Variants in CACNB2 observed in about 807,000 individuals in gnomAD.
CACNB2 encodes the protein calcium voltage-gated channel auxiliary subunit beta 2.
A neutral mutation model predicts 73.3 loss-of-function variants in CACNB2; 42 were observed. The ratio of observed to expected loss-of-function variants is 0.57; its 90% confidence interval spans 0.45 to 0.74. The LOEUF (loss-of-function observed/expected upper bound fraction) is 0.74, where lower values mean the gene tolerates loss of function less well. CACNB2 is among the 30% of genes least tolerant of loss of function. The pLI is 0.00. For missense variants in CACNB2, 940 were observed against 853.0 expected, an observed-to-expected ratio of 1.10 and a Z score of -1.27; for synonymous variants, 348 against 310.3, an observed-to-expected ratio of 1.12 and a Z score of -1.28.
rs1344965960 is a variant in CACNB2, at chr10:18,506,508, A to G, written c.631A>G (p.Ile211Val). 3 of 1,612,412 alleles carry G rather than the reference A, an allele frequency of 1.9e-6. No individual in the cohort carries two copies. The Admixed American group carries it at 5.0e-5, about 27-fold the overall frequency. The part of the protein sequence containing the change: ...GGNSSSSLGD[I>V]VPSSRKSTPP... Reference sequence around the variant, plus strand: ...AAATTCATCATCCAGTTTGGGTGACATAGTACCTAGTTCCAGAAAATCAAC... The same window carrying G: ...AAATTCATCATCCAGTTTGGGTGACGTAGTACCTAGTTCCAGAAAATCAAC... Residue 211 changes from isoleucine (I) to valine (V), a missense_variant, in exon 6 of 14, where the codon ATA becomes GTA. Transcript: ENST00000324631.
intron 10 of CACNB2, among the ~76,000 whole-genome samples, chr10:18,528,297 T>A (rs1313075888): frequency 1.3e-5 from 2 of 152,026 alleles, no homozygotes; most frequent in African/African-American, 4.8e-5. Context: ...AGTTATTGTG[T>A]TTACAGAGAT....
chr10:18,212,079 A>T (rs939228310), intron 2 of CACNB2, among the ~76,000 whole-genome samples: 1 of 152,156 alleles, frequency 6.6e-6, no homozygotes, highest in East Asian at 1.9e-4. Context: ...GAATAGATTG[A>T]TATCTCAGGC....
chr10:18,516,446 C>A (rs1404526222), intron 7 of CACNB2, among the ~76,000 whole-genome samples: 1 of 152,144 alleles, frequency 6.6e-6, no homozygotes, highest in Non-Finnish European at 1.5e-5. Flanking sequence ...CACTGGGCCA[C>A]TTCAGAATTA....
chr10:18,207,800 A>C (rs935165209), intron 2 of CACNB2, among the ~76,000 whole-genome samples: 4 of 152,224 alleles, frequency 2.6e-5, no homozygotes, highest in Admixed American at 1.3e-4. Flanking sequence ...TTATTATTAA[A>C]AGCATCATAT....
intron 3 of CACNB2, among the ~76,000 whole-genome samples, chr10:18,441,358 T>C (rs1028537313): frequency 6.6e-6 from 1 of 152,170 alleles, no homozygotes; most frequent in African/African-American, 2.4e-5. Flanking sequence ...TGAGCTGATA[T>C]CGCGTCACTG....
chr10:18,176,790 G>A (rs758339942), intron 2 of CACNB2, among the ~76,000 whole-genome samples: 10 of 151,790 alleles, frequency 6.6e-5, no homozygotes, highest in Non-Finnish European at 1.0e-4. Context: ...GAGAATGCTG[G>A]GTGGGCAGGC....
intron 2 of CACNB2, among the ~76,000 whole-genome samples, chr10:18,383,056 G>T (rs903145014): frequency 6.6e-6 from 1 of 152,164 alleles, no homozygotes; most frequent in African/African-American, 2.4e-5. Flanking sequence ...TAGGAAATAT[G>T]CATGTTATAT....
At chr10:18,297,470 A>T (rs1471116759) in intron 2 of CACNB2, among the ~76,000 whole-genome samples, 1 of 152,150 alleles carries the variant, frequency 6.6e-6, no homozygotes, top group Non-Finnish European at 1.5e-5. Flanking sequence ...AGGAAGAAGG[A>T]TTGCTTGAGC....
At chr10:18,261,892 A>G (rs2037561270) in intron 2 of CACNB2, 1 of 515,752 alleles carries the variant, frequency 1.9e-6, no homozygotes, top group African/African-American at 1.9e-5. Context: ...TCTGAGTATT[A>G]AATTCTACAA....
intron 2 of CACNB2, among the ~76,000 whole-genome samples, chr10:18,176,353 T>G (rs1477591020): frequency 6.6e-6 from 1 of 152,144 alleles, no homozygotes; most frequent in East Asian, 1.9e-4. Context: ...GTGCACATGA[T>G]GTATTTAAAA....
At chr10:18,199,365 C>A (rs901166761) in intron 2 of CACNB2, among the ~76,000 whole-genome samples, 1 of 151,946 alleles carries the variant, frequency 6.6e-6, no homozygotes, top group Non-Finnish European at 1.5e-5. Context: ...GGAAGAAAAG[C>A]AGAGAAGGGT....
chr10:18,495,890 T>C (rs2132984502), intron 3 of CACNB2, among the ~76,000 whole-genome samples: 1 of 152,088 alleles, frequency 6.6e-6, no homozygotes, highest in Admixed American at 6.6e-5. Flanking sequence ...GGTAAATAAA[T>C]GTACACATTT....
intron 3 of CACNB2, among the ~76,000 whole-genome samples, chr10:18,447,223 A>G (rs1310394085): frequency 6.6e-6 from 1 of 152,150 alleles, no homozygotes; most frequent in Admixed American, 6.5e-5. Flanking sequence ...CACTAAAGAT[A>G]AGTTGACATC....
intron 2 of CACNB2, among the ~76,000 whole-genome samples, chr10:18,309,018 A>C (rs1447251988): frequency 6.6e-6 from 1 of 152,092 alleles, no homozygotes; most frequent in Admixed American, 6.6e-5. Flanking sequence ...GAAAAAAAAA[A>C]CTTATTCCTC....
rs200067825 is a variant in CACNB2 at position 18,538,379 on chromosome 10, T to A, written c.1488+14T>A. 58 of 1,609,818 alleles carry A rather than the reference T, an allele frequency of 3.6e-5. No individual in the cohort carries two copies. Among genetic ancestry groups the A allele is most frequent in the Non-Finnish European group, 4.7e-5 (55 of 1,176,130 alleles). ...TCTAATTCACAGGTAAGGGGAGTTTTTATATATATCTATATATACAATCTT... is the reference window on the plus strand; with the variant it reads ...TCTAATTCACAGGTAAGGGGAGTTTATATATATATCTATATATACAATCTT... On this transcript the variant is annotated intron_variant, in intron 13 of 13. Transcript: ENST00000324631.
At position 18,517,931 on chromosome 10, in the gene CACNB2, T is replaced by A. The variant is rs549639179; in HGVS notation, c.805-405T>A. On this transcript the variant is annotated intron_variant, in intron 7 of 13. Coordinates refer to ENST00000324631, the MANE Select transcript of CACNB2 (RefSeq NM_201596.3). ...TCTTTCTTTCCTCTGTAATTAACCA[T>A]GTTAGGTCTAATCACTACAACTCTT... Among the ~76,000 whole-genome samples the A allele has an allele frequency of 1.3e-3, 201 of 152,342 alleles. 2 individuals carry two copies. The highest frequency in any genetic ancestry group is 3.4e-3 in the Middle Eastern group (1 of 294).
chr10:18,512,245 T>A (rs1403967251), intron 6 of CACNB2, among the ~76,000 whole-genome samples: 1 of 152,204 alleles, frequency 6.6e-6, no homozygotes, highest in South Asian at 2.1e-4. Flanking sequence ...ACTCTGCCTC[T>A]TTTGTTAAAC....
intron 3 of CACNB2, among the ~76,000 whole-genome samples, chr10:18,463,458 T>C (rs1379906382): frequency 6.6e-6 from 1 of 152,086 alleles, no homozygotes; most frequent in Non-Finnish European, 1.5e-5. Flanking sequence ...CCAGGCTGGA[T>C]TGCAATGGCA....
At chr10:18,166,052 AC>A (rs2131120573) in intron 2 of CACNB2, among the ~76,000 whole-genome samples, 1 of 152,288 alleles carries the variant, frequency 6.6e-6, no homozygotes, top group South Asian at 2.1e-4. Flanking sequence ...AATATATATG[AC>A]TGTATATGTA....
Sources: allele counts gnomAD v4.1 joint callset (sites outside exome capture counted in the v4.1 genomes callset), GRCh38; gene constraint gnomAD v4.1.1; transcripts MANE v1.5; gene names NCBI Gene and HGNC (gene_info 2026-07-23, HGNC 2026-07-21).